The following PACRG variants were observed in gnomAD, a reference collection of about 807,000 sequenced individuals.
PACRG encodes the protein parkin coregulated gene protein.
PACRG carries 29 observed loss-of-function variants against 29.7 expected under a neutral mutation model. The ratio of observed to expected loss-of-function variants is 0.98; its 90% CI spans 0.73 to 1.33. PACRG has a LOEUF of 1.33. Among genes scored for constraint, PACRG ranks in the 40% most tolerant of loss-of-function variants. The probability of loss-of-function intolerance (pLI) is 0.00; values close to 1 mark genes in which losing one functional copy is unlikely to be tolerated. For missense variants in PACRG, 279 were observed against 316.2 expected, an observed-to-expected ratio of 0.88 and a Z score of 0.89; for synonymous variants, 116 against 118.7, an observed-to-expected ratio of 0.98 and a Z score of 0.15.
chr6:162,964,481 G>A (rs577649741), intron 2 of PACRG, among the ~76,000 whole-genome samples: 15 of 152,232 alleles, frequency 9.9e-5, no homozygotes, highest in African/African-American at 2.6e-4. Flanking sequence ...GAGAAGATTC[G>A]AAGTCCTGAG....
At chr6:163,153,517 A>G (rs1341869011) in intron 4 of PACRG, among the ~76,000 whole-genome samples, 1 of 152,224 alleles carries the variant, frequency 6.6e-6, no homozygotes, top group East Asian at 1.9e-4. Flanking sequence ...TTTGTCATTG[A>G]TTCCTGTGTA....
chr6:162,937,069 T>A (rs1308565399), intron 2 of PACRG, among the ~76,000 whole-genome samples: 1 of 152,180 alleles, frequency 6.6e-6, no homozygotes, highest in African/African-American at 2.4e-5. Context: ...AATAAGTTGA[T>A]TTGAAGTTCA....
At chr6:162,970,784 T>A (rs1238982372) in intron 2 of PACRG, among the ~76,000 whole-genome samples, 1 of 152,084 alleles carries the variant, frequency 6.6e-6, no homozygotes. Flanking sequence ...CTCATCACAA[T>A]TCAGATCCCA....
At chr6:162,903,367 A>C (rs1795690092) in intron 2 of PACRG, among the ~76,000 whole-genome samples, 1 of 152,230 alleles carries the variant, frequency 6.6e-6, no homozygotes, top group South Asian at 2.1e-4. Flanking sequence ...GGAATGTATT[A>C]GTCTGTTTTC....
intron 2 of PACRG, among the ~76,000 whole-genome samples, chr6:162,863,023 A>G (rs1270718327): frequency 2.0e-5 from 3 of 152,242 alleles, no homozygotes; most frequent in Non-Finnish European, 4.4e-5. Context: ...AGTCTATGTC[A>G]TAAGTAAAAA....
At chr6:163,019,657 G>A (rs919133457) in intron 2 of PACRG, among the ~76,000 whole-genome samples, 1 of 152,174 alleles carries the variant, frequency 6.6e-6, no homozygotes. Flanking sequence ...CACCGTTGCT[G>A]TGGTCACATG....
intron 2 of PACRG, among the ~76,000 whole-genome samples, chr6:163,060,655 C>G (rs983554379): frequency 2.0e-5 from 3 of 152,116 alleles, no homozygotes; most frequent in Non-Finnish European, 4.4e-5. Flanking sequence ...CAGCTTCTAC[C>G]TGAACATGCA....
intron 1 of PACRG, among the ~76,000 whole-genome samples, chr6:162,787,261 C>G (rs1408310318): frequency 6.6e-6 from 1 of 151,924 alleles, no homozygotes; most frequent in East Asian, 1.9e-4. Context: ...AATATTGGCA[C>G]TCTTTAACAA....
intron 4 of PACRG, chr6:163,183,550 C>T (rs1057062536): frequency 2.6e-5 from 4 of 151,382 alleles, no homozygotes; most frequent in African/African-American, 9.7e-5. Context: ...ATTTAGAGGC[C>T]AAGCTGCCTA....
At chr6:163,197,439 T>TTTTC (rs1780510252) in intron 4 of PACRG, among the ~76,000 whole-genome samples, 1 of 118,144 alleles carries the variant, frequency 8.5e-6, no homozygotes, top group African/African-American at 3.8e-5. Context: ...CTTTTCTTTT[T>TTTTC]TTTTTTTTTT....
intron 4 of PACRG, among the ~76,000 whole-genome samples, chr6:163,116,798 G>C (rs1309410132): frequency 6.6e-6 from 1 of 152,196 alleles, no homozygotes; most frequent in Non-Finnish European, 1.5e-5. Context: ...CTGCAGAGAA[G>C]AAGATGATTC....
intron 4 of PACRG, among the ~76,000 whole-genome samples, chr6:163,263,542 C>T (rs1783418106): frequency 6.6e-6 from 1 of 152,130 alleles, no homozygotes; most frequent in Admixed American, 6.5e-5. Flanking sequence ...CACAAAAGCT[C>T]TTTATAATTC....
intron 1 of PACRG, among the ~76,000 whole-genome samples, chr6:162,785,125 G>A (rs549919934): frequency 1.3e-5 from 2 of 151,208 alleles, no homozygotes; most frequent in South Asian, 2.1e-4. Flanking sequence ...TAGCTTTAGG[G>A]TAGGCACAAT....
chr6:163,257,555 G>A (rs557627307), intron 4 of PACRG, among the ~76,000 whole-genome samples: 1 of 152,260 alleles, frequency 6.6e-6, no homozygotes, highest in South Asian at 2.1e-4. Flanking sequence ...GTTCATTGCT[G>A]TTTCTCTATG....
chr6:163,148,805 T>C (rs747624677), intron 4 of PACRG, among the ~76,000 whole-genome samples: 3 of 151,990 alleles, frequency 2.0e-5, no homozygotes, highest in Non-Finnish European at 4.4e-5. Flanking sequence ...CCTTCCTCTC[T>C]CCTGAACGTG....
At chr6:163,228,798 A>G (rs1475639236) in intron 4 of PACRG, among the ~76,000 whole-genome samples, 2 of 152,212 alleles carry the variant, frequency 1.3e-5, no homozygotes, top group African/African-American at 4.8e-5. Context: ...ACATCACATA[A>G]GTCTTAAAGG....
chr6:162,962,568 GAA>G (rs1800715911), intron 2 of PACRG, among the ~76,000 whole-genome samples: 2 of 111,114 alleles, frequency 1.8e-5, no homozygotes, highest in Admixed American at 1.8e-4. Context: ...GTTCTTATGG[GAA>G]GAAGAAGAGA....
chr6:162,947,593 A>C (rs9458676), intron 2 of PACRG, among the ~76,000 whole-genome samples: 18,951 of 52,930 alleles, frequency 0.36, 3,654 homozygotes, highest in Non-Finnish European at 0.48. Context: ...CATATATATA[A>C]TCATATATAT....
intron 4 of PACRG, among the ~76,000 whole-genome samples, chr6:163,133,308 TCAAA>T (rs1314186977): frequency 6.6e-6 from 1 of 152,174 alleles, no homozygotes; most frequent in African/African-American, 2.4e-5. Flanking sequence ...ATGTAGTTCA[TCAAA>T]CACTCAAGAA....
Sources: gnomAD v4.1 joint callset for allele counts (sites outside exome capture counted in the v4.1 genomes callset) on GRCh38, gnomAD v4.1.1 for gene constraint, MANE v1.5 for transcripts, NCBI Gene and HGNC (gene_info 2026-07-23, HGNC 2026-07-21) for gene names.